The following TRRAP variants were observed in gnomAD, a reference collection of about 807,000 sequenced individuals.
The protein encoded by TRRAP is transformation/transcription domain-associated protein.
In TRRAP, 41 loss-of-function variants were observed where a neutral mutation model predicts 438.8. The observed-to-expected ratio is 0.09, with a 90% CI of 0.07 to 0.12. TRRAP has a LOEUF of 0.12. TRRAP is among the 10% of genes least tolerant of loss of function. The pLI is 1.00. For missense variants in TRRAP, 3,122 were observed against 5,055.1 expected (o/e 0.62, Z 11.60); for synonymous variants, 1,994 against 1,962.9 (o/e 1.02, Z -0.42).
chr7:98,990,752 T>G, intron 64 of TRRAP, 133 bp downstream of exon 64: 2 of 966,698 alleles, frequency 2.1e-6, no homozygotes, highest in Non-Finnish European at 2.9e-6. Context: ...GAAGATATAA[T>G]CATGTAGATA....
At chr7:98,925,394 C>A in intron 22 of TRRAP, 131 bp downstream of exon 22, 1 of 1,283,598 alleles carries the variant, frequency 7.8e-7, no homozygotes, top group Non-Finnish European at 1.1e-6. Context: ...TATTATCTAC[C>A]TACTCCTTCT....
rs1392956031 is a variant in TRRAP, at chr7:98,944,600, GGGGGCCCAGAGACAACA to G, written c.4474-1143_4474-1127del. On this transcript the variant is annotated intron_variant, in intron 31 of 72. Transcript: ENST00000456197. ...CTGAAACTCAGAGGCCATGGTGTTT[GGGGGCCCAGAGACAACA>G]GGGCCATGGCTTCATCACCTAAGCC... Among the ~76,000 whole-genome samples, 6 of 152,264 alleles carry G rather than the reference GGGGGCCCAGAGACAACA, an allele frequency of 3.9e-5. No homozygotes were observed. The East Asian group carries it at 1.2e-3, about 29-fold the overall frequency.
intron 9 of TRRAP, 54 bp downstream of exon 9, chr7:98,899,553 G>T: frequency 6.2e-7 from 1 of 1,604,954 alleles, no homozygotes. Flanking sequence ...TAAGAAAATT[G>T]GCATCTGGGG....
intron 45 of TRRAP, 134 bp downstream of exon 45, chr7:98,959,624 G>T: frequency 7.8e-7 from 1 of 1,277,798 alleles, no homozygotes; most frequent in South Asian, 1.5e-5. Context: ...TGTCCCCTTT[G>T]CCAGTCATGG....
At position 98,895,209 on chromosome 7, in the gene TRRAP, A is replaced by G. The variant is rs142733354; in HGVS notation, c.451-555A>G. Among the ~76,000 whole-genome samples the G allele has an allele frequency of 1.2e-4, 18 of 152,316 alleles. 1 individual carries two copies. In the East Asian group the frequency reaches 2.9e-3, roughly 24 times the overall value. On this transcript the variant is annotated intron_variant, in intron 6 of 72. Transcript: ENST00000456197. ...GCATGAGCCACTGTGCCCATCCACA[A>G]TTATTTTTTAATGGGTACATAGTAT...
rs551569682 is a variant in TRRAP at position 98,892,654 on chromosome 7, A to G, written c.366+126A>G. The G allele has an allele frequency of 5.2e-6, 4 of 768,990 alleles. 1 individual carries two copies. In the African/African-American group the frequency reaches 5.4e-5, roughly 10 times the overall value. The allele number at this position is 768,990 out of a possible 1,614,324, so 47.6% of individuals were successfully genotyped here. On this transcript the variant is annotated intron_variant, in intron 5 of 72. Transcript: ENST00000456197. ...TCCCAAATTCCAAGTCACATGAGTA[A>G]AAATTTTTCTTAATGTCCCTTTTCC... is the stretch of plus-strand genomic sequence containing the variant.
intron 67 of TRRAP, among the ~76,000 whole-genome samples, chr7:98,996,904 A>C (rs537160140): frequency 3.3e-4 from 50 of 152,346 alleles, no homozygotes; most frequent in African/African-American, 1.2e-3. Context: ...TTTTAAGATT[A>C]AGTATCCTCT....
intron 58 of TRRAP, 127 bp downstream of exon 58, chr7:98,979,031 G>A: frequency 8.2e-7 from 1 of 1,216,746 alleles, no homozygotes; most frequent in Non-Finnish European, 1.1e-6. Context: ...GGGAAGGAAA[G>A]GTTCCTTTTG....
intron 52 of TRRAP, 22 bp downstream of exon 52, chr7:98,970,313 G>T (rs894229858): frequency 1.1e-5 from 17 of 1,607,512 alleles, no homozygotes; most frequent in African/African-American, 2.7e-5. Flanking sequence ...CACCCCACAG[G>T]CAGAATCCCA....
At position 98,999,071 on chromosome 7, in the gene TRRAP, A is replaced by T. The variant is rs575407437; in HGVS notation, c.10309+4223A>T. ...AGGAGAAGGCAGCCATGACGGGCAGAGAACTCTGCTTCCGCTGGCTCTTTG... is the reference window on the plus strand; with the variant it reads ...AGGAGAAGGCAGCCATGACGGGCAGTGAACTCTGCTTCCGCTGGCTCTTTG... On this transcript the variant is annotated intron_variant, in intron 67 of 72. Coordinates refer to ENST00000456197, the MANE Select transcript of TRRAP (RefSeq NM_001375524.1). 23 of 1,096,848 alleles carry T rather than the reference A, an allele frequency of 2.1e-5. 1 individual carries two copies. In the South Asian group the frequency reaches 3.4e-4, roughly 16 times the overall value. 67.9% of individuals were successfully genotyped at this position (1,096,848 alleles called of 1,614,324 possible).
In TRRAP at chr7:98,910,248, C is replaced by T. The variant is rs1797013826; in HGVS notation, c.1543C>T (p.Pro515Ser). 2.0e-6 allele frequency: 3 copies of T among 1,507,450 alleles called. No individual in the cohort carries two copies. Among genetic ancestry groups the T allele is most frequent in the South Asian group, 2.6e-5 (2 of 77,850 alleles). The allele number at this position is 1,507,450 out of a possible 1,614,324, so 93.4% of individuals were successfully genotyped here. Residue 515 changes from proline (P) to serine (S), a missense_variant, in exon 15 of 73, where the codon CCT becomes TCT. Physicochemically the swap from Pro to Ser is moderately conservative, Grantham distance 74. Transcript: ENST00000456197. The stretch of plus-strand genomic sequence containing the variant: ...ACCTCCACCCCCGCCCCCACCCCCA[C>T]CTGCCACCCCTGTGACCCCGGCCCC... ...APPPPPPPPP[P>S]ATPVTPAPVP...
chr7:98,917,284 G>A, intron 19 of TRRAP, 139 bp from the exon 20 acceptor site: 1 of 1,143,236 alleles, frequency 8.7e-7, no homozygotes, highest in Non-Finnish European at 1.2e-6. Context: ...GTAACAGGGT[G>A]GAGTCTAAGG....
intron 51 of TRRAP, 108 bp from the exon 52 acceptor site, chr7:98,970,003 AC>A: frequency 7.5e-7 from 1 of 1,337,288 alleles, no homozygotes; most frequent in African/African-American, 1.4e-5. Context: ...TCATACTTGG[AC>A]CTGCAGAGTC....
intron 20 of TRRAP, among the ~76,000 whole-genome samples, chr7:98,920,677 C>CT (rs1322603656): frequency 6.6e-6 from 1 of 152,068 alleles, no homozygotes; most frequent in African/African-American, 2.4e-5. Flanking sequence ...TGTGTTTTTC[C>CT]TTTGCCACCC....
chr7:98,892,496 A>T lies in TRRAP; in HGVS notation c.334A>T (p.Asn112Tyr). ...TNEHLRPHTK[N>Y]VLSVMFRFLE... ...CGAACATCTTCGTCCTCACACAAAA[A>T]ATGTTTTGTCTGTGATGTTTCGCTT... Residue 112 changes from asparagine (N) to tyrosine (Y), a missense_variant, in exon 5 of 73, where the codon AAT (asparagine) becomes TAT (tyrosine). This residue lies in a region of TRRAP where 343 missense variants were observed against 564.0 expected (regional missense o/e 0.61). Coordinates refer to ENST00000456197, the MANE Select transcript of TRRAP (RefSeq NM_001375524.1). 6.2e-7 allele frequency: 1 copy of T among 1,612,776 alleles called. No individual in the cohort carries two copies. The highest frequency in any genetic ancestry group is 1.7e-5 in the Admixed American group (1 of 59,636).
At chr7:98,949,280 G>T (rs1791222126) in intron 35 of TRRAP, 137 bp from the exon 36 acceptor site, 4 of 1,046,176 alleles carry the variant, frequency 3.8e-6, no homozygotes, top group Non-Finnish European at 5.1e-6. Flanking sequence ...GCATGCGTGT[G>T]GTGCTTTTTT....
chr7:98,976,428 GC>G lies in TRRAP; in HGVS notation c.7960-54del. On this transcript the variant is annotated intron_variant, in intron 54 of 72. Transcript: ENST00000456197. The surrounding 1 kb of genome is among the most constrained non-coding windows in gnomAD (Gnocchi z 4.6). ...AGGTATTCTTGCATCGAGAGAGACA[GC>G]AAGACTTGCCGATTTTTGAATGAAG... The G allele has an allele frequency of 3.8e-6, 6 of 1,583,936 alleles. No homozygotes were observed. Among genetic ancestry groups the G allele is most frequent in the Non-Finnish European group, 5.1e-6 (6 of 1,167,210 alleles).
rs1027534957 is a variant in TRRAP, at chr7:99,005,567, C to T, written c.10753+219C>T. 6.6e-6 allele frequency among the ~76,000 whole-genome samples: 1 copy of T among 152,242 alleles called. No homozygotes were observed. Among genetic ancestry groups the T allele is most frequent in the African/African-American group, 2.4e-5 (1 of 41,468 alleles). On this transcript the variant is annotated intron_variant, in intron 69 of 72. Coordinates refer to ENST00000456197, the MANE Select transcript of TRRAP (RefSeq NM_001375524.1). The surrounding 1 kb of genome is among the most constrained non-coding windows in gnomAD (Gnocchi z 5.1). ...CACTGAGAGATGAGAGCTGTGTCCA[C>T]CTTTCCTCTAAGGCGAGCTTGTCCA...
At position 98,894,929 on chromosome 7, in the gene TRRAP, C is replaced by G. The variant is rs567758074; in HGVS notation, c.451-835C>G. ...GGGATTACAGGCATGAACCGCCATGCCTGGCCTGTTCTTTCCTTTTTCTCA... is the reference window on the plus strand; with the variant it reads ...GGGATTACAGGCATGAACCGCCATGGCTGGCCTGTTCTTTCCTTTTTCTCA... On this transcript the variant is annotated intron_variant, in intron 6 of 72. Transcript: ENST00000456197. Among the ~76,000 whole-genome samples, 6 of 152,042 alleles carry G rather than the reference C, an allele frequency of 3.9e-5. No homozygotes were observed. In the South Asian group the frequency reaches 1.3e-3, roughly 32 times the overall value.
Sources: allele counts gnomAD v4.1 joint callset (sites outside exome capture counted in the v4.1 genomes callset), GRCh38; gene constraint gnomAD v4.1.1; regional missense constraint gnomAD v4.1.1; non-coding constraint Gnocchi (gnomAD v3.1); transcripts MANE v1.5; gene names NCBI Gene and HGNC (gene_info 2026-07-23, HGNC 2026-07-21).